CDHR3: variants seen among roughly 807,000 people sequenced by gnomAD.
The protein encoded by CDHR3 is cadherin related family member 3, also known as cadherin-related family member 3.
CDHR3 carries 79 observed loss-of-function variants against 86.6 expected under a neutral mutation model. The ratio of observed to expected loss-of-function variants is 0.91; its 90% confidence interval spans 0.76 to 1.10. The LOEUF (loss-of-function observed/expected upper bound fraction) is 1.10, where lower values mean the gene tolerates loss of function less well. Ranked by LOEUF, CDHR3 falls within the 50% of genes least tolerant of loss-of-function variation. The pLI is 0.00. For missense variants in CDHR3, 1,081 were observed against 1,077.6 expected (o/e 1.00, Z -0.04); for synonymous variants, 421 against 402.4 (o/e 1.05, Z -0.55).
At chr7:106,001,384 A>G in intron 6 of CDHR3, 78 bp from the exon 7 acceptor site, 1 of 1,530,994 alleles carries the variant, frequency 6.5e-7, no homozygotes, top group Admixed American at 1.7e-5. Context: ...ATTTAGCACT[A>G]ACCAAAATAC....
Position 106,035,669 on chromosome 7 carries a change from C to A in CDHR3, c.*2972C>A. ...TTCCCCTTGGCCACTTCATGCTCAC[C>A]TCATGGAAATGAAGTAGTGGACCAC... is the stretch of plus-strand genomic sequence containing the variant. On this transcript the variant is annotated 3_prime_UTR_variant, in exon 19 of 19. Transcript: ENST00000317716. The A allele has an allele frequency of 6.6e-6, 1 of 152,248 alleles. No individual in the cohort carries two copies. The allele number at this position is 152,248 out of a possible 1,614,324, so 9.4% of individuals were successfully genotyped here. A position where few individuals can be genotyped will look rare whatever the true frequency, so the allele number is the denominator to read the frequency against.
At chr7:106,019,851 G>C (rs1027852496) in intron 12 of CDHR3, among the ~76,000 whole-genome samples, 1 of 152,154 alleles carries the variant, frequency 6.6e-6, no homozygotes, top group African/African-American at 2.4e-5. Context: ...CCAATCTATT[G>C]GTTCTGAAGT....
intron 2 of CDHR3, among the ~76,000 whole-genome samples, chr7:105,979,375 TC>T (rs531809227): frequency 2.0e-5 from 3 of 151,932 alleles, no homozygotes; most frequent in Non-Finnish European, 4.4e-5. Flanking sequence ...TACCTCTTTT[TC>T]CCCCCTCGAC....
intron 3 of CDHR3, among the ~76,000 whole-genome samples, chr7:105,982,468 CAA>C (rs71155496): frequency 8.9e-6 from 1 of 111,980 alleles, no homozygotes; most frequent in Non-Finnish European, 1.7e-5. Context: ...GACTCTGTCT[CAA>C]AAAAAAAAAA....
In CDHR3 at chr7:106,026,532, T is replaced by C. The variant is rs1837367459; in HGVS notation, c.2259-150T>C. The C allele has an allele frequency of 9.5e-6, 7 of 740,568 alleles. No homozygotes were observed. The East Asian group carries it at 1.3e-4, about 14-fold the overall frequency. The allele number at this position is 740,568 out of a possible 1,614,324, so 45.9% of individuals were successfully genotyped here. A position where few individuals can be genotyped will look rare whatever the true frequency, so the allele number is the denominator to read the frequency against. On this transcript the variant is annotated intron_variant, in intron 15 of 18. Transcript: ENST00000317716. ...GTTCGAAGCAGGCGTGGTGATCTAGTTTTCTTTCTGGCCCCTATCCCTGGC... is the reference window on the plus strand; with the variant it reads ...GTTCGAAGCAGGCGTGGTGATCTAGCTTTCTTTCTGGCCCCTATCCCTGGC...
chr7:106,001,357 G>A, intron 6 of CDHR3, 105 bp from the exon 7 acceptor site: 2 of 1,248,024 alleles, frequency 1.6e-6, no homozygotes, highest in Non-Finnish European at 2.3e-6. Flanking sequence ...GATGCAACTT[G>A]AACAGCTCTG....
At chr7:106,028,407 A>G (rs987842877) in intron 16 of CDHR3, 144 bp from the exon 17 acceptor site, 11 of 881,866 alleles carry the variant, frequency 1.2e-5, no homozygotes, top group Non-Finnish European at 2.0e-5. Context: ...GTCAAGAAAC[A>G]TATCTATAGA....
intron 8 of CDHR3, among the ~76,000 whole-genome samples, chr7:106,006,193 C>T (rs892502970): frequency 3.3e-5 from 5 of 152,116 alleles, no homozygotes; most frequent in Non-Finnish European, 5.9e-5. Context: ...AGACTTGCCC[C>T]CATGATTCCA....
At chr7:105,973,180 T>C (rs917437806) in intron 1 of CDHR3, among the ~76,000 whole-genome samples, 5 of 152,174 alleles carry the variant, frequency 3.3e-5, no homozygotes, top group Non-Finnish European at 7.3e-5. Context: ...GGCTCTGTTA[T>C]TTATTATTTG....
intron 1 of CDHR3, among the ~76,000 whole-genome samples, chr7:105,965,606 TG>T (rs1193420890): frequency 8.9e-6 from 1 of 112,084 alleles, no homozygotes. Context: ...ACCTAGCTCC[TG>T]GGGAGTGCTC....
intron 3 of CDHR3, among the ~76,000 whole-genome samples, chr7:105,983,342 T>C (rs1214884428): frequency 6.6e-6 from 1 of 152,206 alleles, no homozygotes; most frequent in Non-Finnish European, 1.5e-5. Flanking sequence ...TTAATTTCGA[T>C]TCTATCATTT....
At position 106,011,325 on chromosome 7, in the gene CDHR3, A is replaced by G. The variant is rs889697245; in HGVS notation, c.1053-1535A>G. Among the ~76,000 whole-genome samples, 4 of 152,188 alleles carry G rather than the reference A, an allele frequency of 2.6e-5. No individual in the cohort carries two copies. In the East Asian group the frequency reaches 5.8e-4, roughly 22 times the overall value. The stretch of plus-strand genomic sequence containing the variant: ...TTTGACCACTGGAGCATTCACAAAC[A>G]TGGCACAACGGAGGCTTGAAAAATG... On this transcript the variant is annotated intron_variant, in intron 8 of 18. Coordinates refer to ENST00000317716, the MANE Select transcript of CDHR3 (RefSeq NM_152750.5).
At chr7:106,005,789 T>A (rs1482092992) in intron 8 of CDHR3, among the ~76,000 whole-genome samples, 1 of 152,186 alleles carries the variant, frequency 6.6e-6, no homozygotes, top group African/African-American at 2.4e-5. Flanking sequence ...ATGCCCAGTA[T>A]AATGTTAAAG....
At chr7:106,025,114 C>A (rs960918551) in intron 15 of CDHR3, among the ~76,000 whole-genome samples, 1 of 152,138 alleles carries the variant, frequency 6.6e-6, no homozygotes, top group African/African-American at 2.4e-5. Context: ...TTCAGCTGCC[C>A]ACTAATATGC....
At chr7:106,022,115 T>C in intron 13 of CDHR3, 83 bp from the exon 14 acceptor site, 2 of 1,522,096 alleles carry the variant, frequency 1.3e-6, no homozygotes, top group Non-Finnish European at 1.8e-6. Context: ...GAGAAAAAGA[T>C]TGAATGCAGT....
intron 4 of CDHR3, among the ~76,000 whole-genome samples, chr7:105,990,732 A>C (rs1313296706): frequency 9.2e-6 from 1 of 108,334 alleles, no homozygotes; most frequent in East Asian, 3.6e-4. Context: ...GTTTCTACTG[A>C]AAGCAACTGA....
intron 1 of CDHR3, among the ~76,000 whole-genome samples, chr7:105,966,746 A>G (rs1826997822): frequency 6.6e-6 from 1 of 152,138 alleles, no homozygotes; most frequent in Non-Finnish European, 1.5e-5. Flanking sequence ...CCTCACCCCC[A>G]GTGCAAGCAG....
At chr7:106,017,576 C>CAG (rs994725482) in intron 11 of CDHR3, among the ~76,000 whole-genome samples, 1 of 150,134 alleles carries the variant, frequency 6.7e-6, no homozygotes, top group Non-Finnish European at 1.5e-5. Context: ...CACACACACA[C>CAG]ACACACACAC....
chr7:105,975,409 G>A (rs1309395730), intron 2 of CDHR3, among the ~76,000 whole-genome samples: 2 of 152,146 alleles, frequency 1.3e-5, no homozygotes, highest in Admixed American at 1.3e-4. Context: ...ATGCCCTGAT[G>A]TACTTGTGTC....
Sources: gnomAD v4.1 joint callset for allele counts (sites outside exome capture counted in the v4.1 genomes callset) on GRCh38, gnomAD v4.1.1 for gene constraint, MANE v1.5 for transcripts, NCBI Gene and HGNC (gene_info 2026-07-23, HGNC 2026-07-21) for gene names.